The following PRDM4 variants were observed in gnomAD, a reference collection of about 807,000 sequenced individuals.
PRDM4 encodes the protein PR domain zinc finger protein 4.
Under a neutral mutation model 62.3 loss-of-function variants are expected in PRDM4, and 38 were observed. The observed-to-expected ratio is 0.61, with a 90% CI of 0.47 to 0.80. The LOEUF is 0.80. Among genes scored for constraint, PRDM4 ranks in the 30% least tolerant of loss-of-function variants. The pLI is 0.00. For missense variants in PRDM4, 858 were observed against 997.1 expected (o/e 0.86, Z 1.88); for synonymous variants, 339 against 348.2 (o/e 0.97, Z 0.30).
In PRDM4 at chr12:107,745,407, T is replaced by A. The variant is rs542873495; in HGVS notation, c.1277-746A>T. Among the ~76,000 whole-genome samples, 621 of 150,598 alleles carry A rather than the reference T, an allele frequency of 4.1e-3. 4 individuals are homozygous for A. Among genetic ancestry groups the A allele is most frequent in the African/African-American group, 0.012 (499 of 41,058 alleles). On this transcript the variant is annotated intron_variant, in intron 6 of 11. Coordinates refer to ENST00000228437, the MANE Select transcript of PRDM4 (RefSeq NM_012406.4). ...TGAGATGCTGTCTCTACAAAAAAAA[T>A]TTTTTTTTTAATTAGCTGGGCATGA...
intron 2 of PRDM4, among the ~76,000 whole-genome samples, chr12:107,759,148 T>C (rs1038348284): frequency 3.3e-5 from 5 of 152,108 alleles, no homozygotes; most frequent in Non-Finnish European, 5.9e-5. Flanking sequence ...TGGTTCGTGC[T>C]TGTGGTTCCA....
At chr12:107,739,119 G>C (rs994882045) in intron 11 of PRDM4, 11 of 358,532 alleles carry the variant, frequency 3.1e-5, no homozygotes, top group African/African-American at 2.1e-4. Flanking sequence ...AGTCCTTTTT[G>C]TCTCTAGGTT....
chr12:107,740,355 C>CAGTCCATGTCTGCATGAGTA (rs1566093041), intron 10 of PRDM4, among the ~76,000 whole-genome samples: 1 of 151,946 alleles, frequency 6.6e-6, no homozygotes. Flanking sequence ...GGTGTGGTGG[C>CAGTCCATGTCTGCATGAGTA]GCATGTCTGC....
At chr12:107,739,596 G>A in intron 10 of PRDM4, 45 bp from the exon 11 acceptor site, 1 of 1,576,948 alleles carries the variant, frequency 6.3e-7, no homozygotes, top group South Asian at 1.2e-5. Flanking sequence ...AACAACTGCT[G>A]GCATCCCCAA....
At chr12:107,734,669 T>C (rs1890271056) in intron 11 of PRDM4, 147 bp from the exon 12 acceptor site, 3 of 712,622 alleles carry the variant, frequency 4.2e-6, no homozygotes, top group African/African-American at 3.6e-5. Flanking sequence ...AGAAGACTCA[T>C]AAAACATGTA....
chr12:107,738,632 C>CA (rs2136309478), intron 11 of PRDM4: 1 of 152,316 alleles, frequency 6.6e-6, no homozygotes, highest in East Asian at 1.9e-4. Context: ...CATTTAATTA[C>CA]ACTTGGATTC....
chr12:107,733,121 G>C lies in PRDM4; in HGVS notation c.*1089C>G, dbSNP rs140646718. 11 of 152,516 alleles carry C rather than the reference G, an allele frequency of 7.2e-5. No homozygotes were observed. In the East Asian group the frequency reaches 2.1e-3, roughly 30 times the overall value. The allele number at this position is 152,516 out of a possible 1,614,324, so 9.4% of individuals were successfully genotyped here. On this transcript the variant is annotated 3_prime_UTR_variant, in exon 12 of 12. Coordinates refer to ENST00000228437, the MANE Select transcript of PRDM4 (RefSeq NM_012406.4). ...GTGCATGGGTGACTTAACTAAGCTG[G>C]GACCCTGAAAACAGGCCCATGTGGT...
chr12:107,753,868 T>C (rs1890978575), intron 4 of PRDM4, 56 bp downstream of exon 4: 1 of 1,507,952 alleles, frequency 6.6e-7, no homozygotes. Context: ...AGGATAAAAG[T>C]TTAAAAGCTG....
chr12:107,754,384 A>T (rs1171739538), intron 3 of PRDM4, among the ~76,000 whole-genome samples: 2 of 152,070 alleles, frequency 1.3e-5, no homozygotes, highest in African/African-American at 4.8e-5. Flanking sequence ...TTAATTAATT[A>T]ATTTATCGAT....
chr12:107,739,604 C>A (rs1890448163), intron 10 of PRDM4, 53 bp from the exon 11 acceptor site: 1 of 1,547,040 alleles, frequency 6.5e-7, no homozygotes, highest in Non-Finnish European at 8.8e-7. Context: ...CTGGCATCCC[C>A]AAGACACACA....
Position 107,751,420 on chromosome 12 carries a change from G to T in PRDM4, c.1121C>A (p.Thr374Lys). Residue 374 changes from threonine to lysine, a missense_variant, in exon 5 of 12, where the codon ACA (threonine) becomes AAA (lysine). Around this residue, in one of 3 missense-constraint regions of PRDM4, gnomAD observed 499 missense variants for 546.7 expected, o/e 0.91. Transcript: ENST00000228437. The part of the protein sequence containing the change: ...SNKENMATLF[T>K]IWCTLCDRAY... ...GAAAGGCTAAACACACTCACAAATT[G>T]TAAACAAGGTTGCCATGTTCTCCTT... 6.2e-7 allele frequency: 1 copy of T among 1,601,628 alleles called. No individual in the cohort carries two copies. The highest frequency in any genetic ancestry group is 8.6e-7 in the Non-Finnish European group (1 of 1,169,528).
chr12:107,743,253 G>A lies in PRDM4; in HGVS notation c.1425C>T (p.Cys475=). ...KIYHNGVLEF[C]IITTDENECN... ...ATTCATTTTCATCAGTTGTAATGATGCAGAATTCTAGGACACCATTGTGGT... is the reference window on the plus strand; with the variant it reads ...ATTCATTTTCATCAGTTGTAATGATACAGAATTCTAGGACACCATTGTGGT... Residue 475 remains cysteine, a synonymous_variant, in exon 8 of 12, where the codon TGC becomes TGT. Coordinates refer to ENST00000228437, the MANE Select transcript of PRDM4 (RefSeq NM_012406.4). The A allele has an allele frequency of 6.2e-7, 1 of 1,613,278 alleles. No individual in the cohort carries two copies. The highest frequency in any genetic ancestry group is 8.5e-7 in the Non-Finnish European group (1 of 1,179,318).
chr12:107,741,162 G>A lies in PRDM4; in HGVS notation c.1708C>T (p.His570Tyr), dbSNP rs1890506719. Reference sequence around the variant, plus strand: ...CCGCTATGTCCCTGGGTAGGAAGATGGTTATGGATGTGGCTGGTCAGATGG... The same window carrying A: ...CCGCTATGTCCCTGGGTAGGAAGATAGTTATGGATGTGGCTGGTCAGATGG... ...KAHLTSHIHNHLPTQGHSGSH... is the reference protein window; with the variant it reads ...KAHLTSHIHNYLPTQGHSGSH... Residue 570 changes from histidine to tyrosine, a missense_variant, in exon 10 of 12, where the codon CAT (histidine) becomes TAT (tyrosine). His to Tyr is a moderately conservative substitution (Grantham distance 83, BLOSUM62 2). Transcript: ENST00000228437. 6.2e-7 allele frequency: 1 copy of A among 1,614,148 alleles called. No individual in the cohort carries two copies. Among genetic ancestry groups the A allele is most frequent in the Non-Finnish European group, 8.5e-7 (1 of 1,180,026 alleles).
At chr12:107,745,838 C>G (rs1173417952) in intron 6 of PRDM4, among the ~76,000 whole-genome samples, 1 of 152,138 alleles carries the variant, frequency 6.6e-6, no homozygotes, top group Non-Finnish European at 1.5e-5. Context: ...TAAGTAAAGT[C>G]TGGCAATCTA....
Position 107,753,988 on chromosome 12 carries a change from G to C in PRDM4, c.267C>G (p.Asn89Lys), listed in dbSNP as rs1465361436. ...RGVMCGLPER[N>K]YTLPPPPYPH... ...GGTAAGGTGGTGGAGGTAGGGTGTAGTTTCTTTCAGGTAACCCACACATCA... is the reference window on the plus strand; with the variant it reads ...GGTAAGGTGGTGGAGGTAGGGTGTACTTTCTTTCAGGTAACCCACACATCA... The change falls in exon 4 of 12, where the codon AAC (asparagine) becomes AAG (lysine). Residue 89 changes from asparagine to lysine, a missense_variant. By Grantham distance (94) the Asn-to-Lys change is moderately conservative. Transcript: ENST00000228437. 4 of 1,614,156 alleles carry C rather than the reference G, an allele frequency of 2.5e-6. No homozygotes were observed. The Admixed American group carries it at 6.7e-5, about 27-fold the overall frequency.
In PRDM4 at chr12:107,741,167, T is replaced by C; in HGVS notation, c.1703A>G (p.His568Arg). Residue 568 changes from histidine to arginine, a missense_variant, in exon 10 of 12, where the codon CAT becomes CGT. His to Arg is a conservative substitution (Grantham distance 29). Transcript: ENST00000228437. ...ATGTCCCTGGGTAGGAAGATGGTTATGGATGTGGCTGGTCAGATGGGCTTT... is the reference window on the plus strand; with the variant it reads ...ATGTCCCTGGGTAGGAAGATGGTTACGGATGTGGCTGGTCAGATGGGCTTT... ...EFKAHLTSHI[H>R]NHLPTQGHSG... 1 of 1,614,200 alleles carries C rather than the reference T, an allele frequency of 6.2e-7. No individual in the cohort carries two copies. The highest frequency in any genetic ancestry group is 8.5e-7 in the Non-Finnish European group (1 of 1,180,028).
chr12:107,740,057 G>A (rs1022577677), intron 10 of PRDM4, among the ~76,000 whole-genome samples: 4 of 152,092 alleles, frequency 2.6e-5, no homozygotes, highest in Non-Finnish European at 4.4e-5. Context: ...TCTCTTAAAG[G>A]ATAGATAGAA....
rs780922783 is a variant in PRDM4, at chr12:107,753,205, C to CT, written c.331+718dup. ...TCGGCAACATGCCAAAACCCCATCT[C>CT]TTTTTTTAAAAAAGTTATTTATAAA... On this transcript the variant is annotated intron_variant, in intron 4 of 11. Transcript: ENST00000228437. Among the ~76,000 whole-genome samples, 204 of 151,706 alleles carry CT rather than the reference C, an allele frequency of 1.3e-3. 3 individuals are homozygous for CT. The highest frequency in any genetic ancestry group is 3.5e-4 in the Non-Finnish European group (24 of 67,994).
Position 107,751,793 on chromosome 12 carries a change from C to T in PRDM4, c.748G>A (p.Gly250Arg), listed in dbSNP as rs751961365. 2.1e-5 allele frequency: 34 copies of T among 1,614,092 alleles called. No individual in the cohort carries two copies. Among genetic ancestry groups the T allele is most frequent in the Non-Finnish European group, 2.7e-5 (32 of 1,180,040 alleles). Residue 250 changes from glycine to arginine, a missense_variant, in exon 5 of 12, where the codon GGA becomes AGA. Around this residue, in one of 3 missense-constraint regions of PRDM4, gnomAD observed 499 missense variants for 546.7 expected, o/e 0.91. Coordinates refer to ENST00000228437, the MANE Select transcript of PRDM4 (RefSeq NM_012406.4). The part of the protein sequence containing the change: ...VSNNLAADAV[G>R]HGGVIPMHGN... ...TGCATGGGTATCACACCACCATGTC[C>T]TACAGCGTCTGCTGCAAGGTTGTTG... is the stretch of plus-strand genomic sequence containing the variant.
Sources: gnomAD v4.1 joint callset for allele counts (sites outside exome capture counted in the v4.1 genomes callset) on GRCh38, gnomAD v4.1.1 for gene constraint, gnomAD v4.1.1 regional missense constraint, MANE v1.5 for transcripts, NCBI Gene and HGNC (gene_info 2026-07-23, HGNC 2026-07-21) for gene names.